Variants in AFG2A observed in about 807,000 individuals in gnomAD.
AFG2A encodes ATPase family gene 2 protein homolog A.
chr4:123,316,989 G>T, the AFG2A span: 2,350 of 152,288 alleles, frequency 0.015, 26 homozygotes, highest in Non-Finnish European at 0.026. Context: ...ACTTTGGGAG[G>T]CCGAGGCAGG....
the AFG2A span, among the ~76,000 whole-genome samples, chr4:123,192,568 C>T: frequency 6.6e-6 from 1 of 152,160 alleles, no homozygotes; most frequent in East Asian, 1.9e-4. Flanking sequence ...TTTAAGTGCT[C>T]CATAGCCACG....
chr4:123,241,028 T>C, the AFG2A span, among the ~76,000 whole-genome samples: 1 of 151,884 alleles, frequency 6.6e-6, no homozygotes, highest in Non-Finnish European at 1.5e-5. Context: ...AACTAGAAAA[T>C]CTAGAAGAAA....
the AFG2A span, among the ~76,000 whole-genome samples, chr4:123,183,540 G>A: frequency 6.6e-6 from 1 of 152,110 alleles, no homozygotes; most frequent in East Asian, 1.9e-4. Flanking sequence ...AAATATGCAG[G>A]TATAGAGTAT....
the AFG2A span, among the ~76,000 whole-genome samples, chr4:123,147,186 T>C: frequency 6.6e-6 from 1 of 152,190 alleles, no homozygotes; most frequent in African/African-American, 2.4e-5. Context: ...GGAGATGTCA[T>C]GTCTTGGTTG....
chr4:123,005,601 CT>C, the AFG2A span, among the ~76,000 whole-genome samples: 1 of 152,080 alleles, frequency 6.6e-6, no homozygotes. Flanking sequence ...TTAGATCTTT[CT>C]TCTTTTCTAA....
chr4:123,288,158 C>G, the AFG2A span, among the ~76,000 whole-genome samples: 2 of 151,774 alleles, frequency 1.3e-5, no homozygotes, highest in African/African-American at 2.4e-5. Context: ...GGGGAGTGTT[C>G]AGAAGTGTCA....
At chr4:123,200,008 A>T in the AFG2A span, among the ~76,000 whole-genome samples, 2 of 152,216 alleles carry the variant, frequency 1.3e-5, no homozygotes, top group Admixed American at 1.3e-4. Context: ...GAAGTAAAAG[A>T]TATCTTTGGA....
the AFG2A span, chr4:123,256,887 T>C: frequency 1.0e-6 from 1 of 973,106 alleles, no homozygotes; most frequent in Non-Finnish European, 1.2e-6. Flanking sequence ...TCTGCAACTT[T>C]TCTAGCTGCA....
the AFG2A span, among the ~76,000 whole-genome samples, chr4:123,223,073 T>G: frequency 1.3e-5 from 2 of 152,336 alleles, no homozygotes; most frequent in South Asian, 4.1e-4. Flanking sequence ...ATTGCTGGAT[T>G]AATATGGTAA....
At chr4:123,172,999 A>T in the AFG2A span, among the ~76,000 whole-genome samples, 1 of 152,194 alleles carries the variant, frequency 6.6e-6, no homozygotes, top group Non-Finnish European at 1.5e-5. Context: ...AATATGTAAA[A>T]ATGTAGAAAA....
chr4:122,978,497 A>G, the AFG2A span, among the ~76,000 whole-genome samples: 26 of 152,310 alleles, frequency 1.7e-4, no homozygotes, highest in African/African-American at 2.4e-5. Flanking sequence ...AAAAAGCACC[A>G]TAAGTTCTTG....
the AFG2A span, chr4:122,933,301 A>G: frequency 1.5e-6 from 1 of 667,812 alleles, no homozygotes. Context: ...AATTGTATAC[A>G]TTATTTATTT....
the AFG2A span, among the ~76,000 whole-genome samples, chr4:123,264,385 A>T: frequency 6.6e-6 from 1 of 152,146 alleles, no homozygotes. Flanking sequence ...TAATAATAAA[A>T]GGTCTTTTGT....
the AFG2A span, among the ~76,000 whole-genome samples, chr4:123,140,872 C>T: frequency 6.6e-6 from 1 of 152,010 alleles, no homozygotes; most frequent in Non-Finnish European, 1.5e-5. Flanking sequence ...CCACATGGAA[C>T]AAAAGTTAAC....
At chr4:123,280,450 ATTATC>A in the AFG2A span, among the ~76,000 whole-genome samples, 2 of 152,168 alleles carry the variant, frequency 1.3e-5, no homozygotes, top group Admixed American at 1.3e-4. Context: ...CAACAAATTT[ATTATC>A]TTATAGTTCT....
chr4:122,979,548 G>A, the AFG2A span, among the ~76,000 whole-genome samples: 1 of 152,204 alleles, frequency 6.6e-6, no homozygotes. Context: ...GTTATACGAA[G>A]TAATGTAGGG....
the AFG2A span, among the ~76,000 whole-genome samples, chr4:123,127,335 T>A: frequency 6.6e-6 from 1 of 152,212 alleles, no homozygotes; most frequent in African/African-American, 2.4e-5. Flanking sequence ...AGTTTTATCA[T>A]ATCAGTTTTT....
chr4:123,288,563 C>G, the AFG2A span, among the ~76,000 whole-genome samples: 2 of 152,188 alleles, frequency 1.3e-5, no homozygotes, highest in Non-Finnish European at 2.9e-5. Flanking sequence ...GTATCCTTCT[C>G]ATATGGTCAT....
chr4:123,044,302 T>C, the AFG2A span, among the ~76,000 whole-genome samples: 2 of 152,270 alleles, frequency 1.3e-5, no homozygotes, highest in Middle Eastern at 3.4e-3. Flanking sequence ...TTTATCTTCT[T>C]CAATTAGGGA....
Sources: allele counts gnomAD v4.1 joint callset (sites outside exome capture counted in the v4.1 genomes callset), GRCh38; gene constraint gnomAD v4.1.1; transcripts MANE v1.5; gene names NCBI Gene and HGNC (gene_info 2026-07-23, HGNC 2026-07-21).